Variants in NTRK1 observed in about 807,000 individuals in gnomAD.
NTRK1 encodes the protein high affinity nerve growth factor receptor.
NTRK1 carries 62 observed loss-of-function variants against 86.8 expected under a neutral mutation model. The observed-to-expected ratio is 0.71, with a 90% CI of 0.58 to 0.88. The LOEUF (loss-of-function observed/expected upper bound fraction) is 0.88. Ranked by LOEUF, NTRK1 falls within the 40% of genes least tolerant of loss-of-function variation. The pLI, the probability that NTRK1 is intolerant of heterozygous loss-of-function variation, is 0.00. For synonymous variants in NTRK1, 469 were observed against 456.6 expected, an observed-to-expected ratio of 1.03 and a Z score of -0.35; for missense variants, 967 against 1,078.4, an observed-to-expected ratio of 0.90 and a Z score of 1.45.
chr1:156,864,315 G>T (rs764428328), intron 1 of NTRK1, 39 bp from the exon 2 acceptor site: 2 of 1,606,624 alleles, frequency 1.2e-6, no homozygotes, highest in South Asian at 2.2e-5. Context: ...ACTCAAGTGT[G>T]GGCCTGAGCC....
chr1:156,830,760 G>A (rs772791096), intron 1 of NTRK1, among the ~76,000 whole-genome samples: 1 of 152,078 alleles, frequency 6.6e-6, no homozygotes, highest in Non-Finnish European at 1.5e-5. Context: ...TTGCCATGTT[G>A]GCCAGGCTGG....
At chr1:156,879,059 C>G (rs1393371321) in intron 14 of NTRK1, 63 bp from the exon 15 acceptor site, 1 of 1,599,342 alleles carries the variant, frequency 6.3e-7, no homozygotes, top group African/African-American at 1.3e-5. Flanking sequence ...TGGGGATCGC[C>G]TTCCTCAGGC....
rs1037545263 is a variant in NTRK1 at position 156,847,670 on chromosome 1, G to A, written c.50+5477G>A. On this transcript the variant is annotated intron_variant, in intron 2 of 16. Transcript: ENST00000392302. ...AGCAGGATAGTCCAGGAGCAGGTTG[G>A]GGGGGTGGGGGCTCATAGTGGGTGT... 2.6e-5 allele frequency among the ~76,000 whole-genome samples: 4 copies of A among 152,026 alleles called. No individual in the cohort carries two copies. The East Asian group carries it at 7.7e-4, about 29-fold the overall frequency.
Position 156,864,680 on chromosome 1 carries a change from C to T in NTRK1, c.288-48C>T, listed in dbSNP as rs774393273. ...GGGATGGGCAGGGAGGGCCAGGGGC[C>T]CAGAGTAGCTGAGACCTGGGGACTG... On this transcript the variant is annotated intron_variant, in intron 2 of 16. Coordinates refer to ENST00000524377, the MANE Select transcript of NTRK1 (RefSeq NM_002529.4). 3.7e-6 allele frequency: 6 copies of T among 1,600,656 alleles called. No homozygotes were observed. The African/African-American group carries it at 8.0e-5, about 21-fold the overall frequency.
At chr1:156,843,892 G>A (rs1002904430) in intron 2 of NTRK1, among the ~76,000 whole-genome samples, 1 of 152,236 alleles carries the variant, frequency 6.6e-6, no homozygotes, top group African/African-American at 2.4e-5. Flanking sequence ...ACACCTGACA[G>A]GTGGTGTGAG....
intron 1 of NTRK1, among the ~76,000 whole-genome samples, chr1:156,825,595 T>A (rs1654297334): frequency 6.6e-6 from 1 of 152,240 alleles, no homozygotes; most frequent in Non-Finnish European, 1.5e-5. Context: ...GGCCCCATCA[T>A]TACCTTGTAT....
At chr1:156,864,248 C>A in intron 1 of NTRK1, 106 bp from the exon 2 acceptor site, 1 of 1,027,222 alleles carries the variant, frequency 9.7e-7, no homozygotes, top group Non-Finnish European at 1.5e-6. Flanking sequence ...GGTGCATATG[C>A]GTGTGCATGT....
intron 3 of NTRK1, among the ~76,000 whole-genome samples, chr1:156,865,865 C>T (rs1655906865): frequency 6.6e-6 from 1 of 152,230 alleles, no homozygotes; most frequent in African/African-American, 2.4e-5. Context: ...GTCCTCTAAA[C>T]TCTGCTGTGT....
In NTRK1 at chr1:156,876,546, G is replaced by A. The variant is rs1571699995; in HGVS notation, c.1779G>A (p.Arg593=). The A allele has an allele frequency of 6.2e-7, 1 of 1,613,032 alleles. No individual in the cohort carries two copies. Among genetic ancestry groups the A allele is most frequent in the Non-Finnish European group, 8.5e-7 (1 of 1,179,906 alleles). Reference sequence around the variant, plus strand: ...TGCTCATGGTCTTTGAGTATATGCGGCACGGGGACCTCAACCGCTTCCTCC... The same window carrying A: ...TGCTCATGGTCTTTGAGTATATGCGACACGGGGACCTCAACCGCTTCCTCC... ...RPLLMVFEYM[R]HGDLNRFLRS... is the part of the protein sequence containing the mutation. Residue 593 remains arginine (R), a synonymous_variant, in exon 14 of 17, where the codon CGG becomes CGA. Coordinates refer to ENST00000524377, the MANE Select transcript of NTRK1 (RefSeq NM_002529.4).
At chr1:156,878,857 C>T (rs1414197778) in intron 14 of NTRK1, among the ~76,000 whole-genome samples, 2 of 152,134 alleles carry the variant, frequency 1.3e-5, no homozygotes, top group Non-Finnish European at 2.9e-5. Context: ...GGCCAGTGGG[C>T]ATCTGGAGTT....
chr1:156,851,075 G>C, intron 2 of NTRK1: 2 of 633,542 alleles, frequency 3.2e-6, no homozygotes, highest in Non-Finnish European at 5.7e-6. Context: ...ATAACAACTT[G>C]AGTAATATTC....
At chr1:156,817,642 CT>C (rs1317245406) in intron 1 of NTRK1, among the ~76,000 whole-genome samples, 15,793 of 131,096 alleles carry the variant, frequency 0.12, 634 homozygotes, top group Middle Eastern at 0.16. Flanking sequence ...GTGTTGACAT[CT>C]TTTTTTTTTT....
intron 1 of NTRK1, among the ~76,000 whole-genome samples, chr1:156,818,345 T>C (rs1405460865): frequency 6.6e-6 from 1 of 152,228 alleles, no homozygotes; most frequent in Non-Finnish European, 1.5e-5. Flanking sequence ...GCTCTAAATT[T>C]TTAATAATTT....
rs2102919816 is a variant in NTRK1 at position 156,876,523 on chromosome 1, C to T, written c.1756C>T (p.Leu586Phe). ...FGVCTEGRPL[L>F]MVFEYMRHGD... ...CGTCTGCACCGAGGGCCGCCCCCTGCTCATGGTCTTTGAGTATATGCGGCA... is the reference window on the plus strand; with the variant it reads ...CGTCTGCACCGAGGGCCGCCCCCTGTTCATGGTCTTTGAGTATATGCGGCA... The change falls in exon 14 of 17, where the codon CTC becomes TTC. Residue 586 changes from leucine to phenylalanine, a missense_variant. This residue lies in a region of NTRK1 where 637 missense variants were observed against 776.5 expected (regional missense o/e 0.82). Coordinates refer to ENST00000524377, the MANE Select transcript of NTRK1 (RefSeq NM_002529.4). 6.2e-7 allele frequency: 1 copy of T among 1,613,596 alleles called. No individual in the cohort carries two copies. The highest frequency in any genetic ancestry group is 1.3e-5 in the African/African-American group (1 of 75,062).
At position 156,864,778 on chromosome 1, in the gene NTRK1, T is replaced by G; in HGVS notation, c.338T>G (p.Phe113Cys). The change falls in exon 3 of 17, where the codon TTC becomes TGC. Residue 113 changes from phenylalanine (F) to cysteine (C), a missense_variant. Phe to Cys is a radical substitution (Grantham distance 205). Transcript: ENST00000524377. Reference protein sequence around the residue: ...LRFVAPDAFHFTPRLSRLNLS... With the variant: ...LRFVAPDAFHCTPRLSRLNLS... ...TTCGTGGCGCCAGATGCCTTCCATT[T>G]CACTCCTCGGCTCAGTCGCCTGTGA... 6.2e-7 allele frequency: 1 copy of G among 1,613,982 alleles called. No homozygotes were observed. Among genetic ancestry groups the G allele is most frequent in the Non-Finnish European group, 8.5e-7 (1 of 1,179,950 alleles).
In NTRK1 at chr1:156,868,608, C is replaced by T. The variant is rs900718976; in HGVS notation, c.678C>T (p.Gly226=). 2.6e-6 allele frequency: 4 copies of T among 1,551,012 alleles called. No homozygotes were observed. The highest frequency in any genetic ancestry group is 1.7e-6 in the Non-Finnish European group (2 of 1,147,080). ...QVEGRGLEQA[G]WILTELEQSA... ...AGGGGCGGGGCCTGGAGCAGGCCGG[C>T]TGGATCCTCACAGAGCTGGAGCAGT... is the stretch of plus-strand genomic sequence containing the variant. The change falls in exon 6 of 17, where the codon GGC becomes GGT. Residue 226 remains glycine, a synonymous_variant. Coordinates refer to ENST00000524377, the MANE Select transcript of NTRK1 (RefSeq NM_002529.4).
intron 1 of NTRK1, chr1:156,816,747 GTA>G: frequency 6.4e-7 from 1 of 1,561,036 alleles, no homozygotes. Flanking sequence ...CAGGGTGTGT[GTA>G]TGTGTTCCGG....
At chr1:156,849,034 G>T (rs149673909) in intron 2 of NTRK1, 3 of 1,613,378 alleles carry the variant, frequency 1.9e-6, no homozygotes, top group South Asian at 2.2e-5. Context: ...CGAAGCGCAG[G>T]GTGCGAGTCT....
In NTRK1 at chr1:156,876,172, C is replaced by T. The variant is rs568480622; in HGVS notation, c.1594C>T (p.Leu532Phe). ...GGTCTTCCTTGCTGAGTGCCACAAC[C>T]TCCTGCCTGAGCAGGACAAGATGCT... ...GKVFLAECHNLLPEQDKMLVA... is the reference protein window; with the variant it reads ...GKVFLAECHNFLPEQDKMLVA... The change falls in exon 13 of 17, where the codon CTC becomes TTC. Residue 532 changes from leucine to phenylalanine, a missense_variant. Leu to Phe is a conservative substitution (Grantham distance 22). Around this residue, in one of 2 missense-constraint regions of NTRK1, gnomAD observed 637 missense variants for 776.5 expected, o/e 0.82. Coordinates refer to ENST00000524377, the MANE Select transcript of NTRK1 (RefSeq NM_002529.4). 6.2e-7 allele frequency: 1 copy of T among 1,614,194 alleles called. No homozygotes were observed. Among genetic ancestry groups the T allele is most frequent in the Middle Eastern group, 1.7e-4 (1 of 6,046 alleles).
Sources: gnomAD v4.1 joint callset for allele counts (sites outside exome capture counted in the v4.1 genomes callset) on GRCh38, gnomAD v4.1.1 for gene constraint, gnomAD v4.1.1 regional missense constraint, MANE v1.5 for transcripts, NCBI Gene and HGNC (gene_info 2026-07-23, HGNC 2026-07-21) for gene names.